The following CSMD1 variants were observed in gnomAD, a reference collection of about 807,000 sequenced individuals.
CSMD1 encodes CUB and sushi domain-containing protein 1.
CSMD1 carries 213 observed loss-of-function variants against 417.5 expected under a neutral mutation model. That is an observed-to-expected ratio of 0.51 (90% confidence interval 0.46 to 0.57). The LOEUF (loss-of-function observed/expected upper bound fraction) is 0.57. Ranked by LOEUF, CSMD1 falls within the 20% of genes least tolerant of loss-of-function variation. The probability of loss-of-function intolerance (pLI) is 0.00; values close to 1 mark genes in which losing one functional copy is unlikely to be tolerated. For synonymous variants in CSMD1, 2,862 were observed against 1,736.8 expected (o/e 1.65, Z -16.11); for missense variants, 6,923 against 4,529.7 (o/e 1.53, Z -15.17).
chr8:4,299,158 T>A (rs1440098232), intron 3 of CSMD1, among the ~76,000 whole-genome samples: 1 of 152,098 alleles, frequency 6.6e-6, no homozygotes, highest in Non-Finnish European at 1.5e-5. Flanking sequence ...GTGCTTTTCT[T>A]CAAAAAAGAA....
intron 3 of CSMD1, among the ~76,000 whole-genome samples, chr8:4,126,433 C>A (rs1185795597): frequency 6.6e-6 from 1 of 152,152 alleles, no homozygotes; most frequent in East Asian, 1.9e-4. Context: ...CTAGCGAAGA[C>A]ACAAACCAAC....
chr8:4,080,764 A>C (rs1303306110), intron 3 of CSMD1, among the ~76,000 whole-genome samples: 1 of 152,206 alleles, frequency 6.6e-6, no homozygotes, highest in Non-Finnish European at 1.5e-5. Flanking sequence ...AAGGTGAATA[A>C]GACTGGGCTA....
intron 3 of CSMD1, among the ~76,000 whole-genome samples, chr8:4,372,717 C>G (rs7010710): frequency 0.25 from 37,304 of 149,612 alleles, 5,053 homozygotes; most frequent in African/African-American, 0.34. Context: ...AGAGTTCTCA[C>G]TGTCCAAACC....
chr8:4,027,093 A>G (rs1038259559), intron 4 of CSMD1, among the ~76,000 whole-genome samples: 5 of 152,192 alleles, frequency 3.3e-5, no homozygotes, highest in African/African-American at 9.7e-5. Flanking sequence ...TCGGCCACAG[A>G]AAAACACAGC....
At chr8:4,220,510 C>A (rs1015558481) in intron 3 of CSMD1, among the ~76,000 whole-genome samples, 1 of 152,128 alleles carries the variant, frequency 6.6e-6, no homozygotes, top group African/African-American at 2.4e-5. Flanking sequence ...AATATCTAAT[C>A]CTAGTGCAAG....
intron 1 of CSMD1, among the ~76,000 whole-genome samples, chr8:4,960,879 G>T (rs1164288087): frequency 6.6e-6 from 1 of 152,038 alleles, no homozygotes; most frequent in African/African-American, 2.4e-5. Flanking sequence ...ATTTTTAAAA[G>T]ATTCCTCAAC....
chr8:4,375,300 T>C (rs1354398757), intron 3 of CSMD1, among the ~76,000 whole-genome samples: 2 of 152,102 alleles, frequency 1.3e-5, no homozygotes, highest in Non-Finnish European at 2.9e-5. Context: ...AAGTGTCATA[T>C]CTCCAAAAGC....
chr8:4,437,738 A>G (rs549594481), intron 2 of CSMD1, among the ~76,000 whole-genome samples: 96 of 152,274 alleles, frequency 6.3e-4, no homozygotes, highest in Middle Eastern at 3.4e-3. Flanking sequence ...TAGGCTGCCA[A>G]TGAGTTCCAT....
intron 12 of CSMD1, among the ~76,000 whole-genome samples, chr8:3,444,804 T>C (rs919261892): frequency 1.3e-5 from 2 of 152,164 alleles, no homozygotes; most frequent in African/African-American, 2.4e-5. Flanking sequence ...AACCAAATAA[T>C]ATGCTTCTTT....
chr8:4,760,479 G>C (rs987649214), intron 1 of CSMD1, among the ~76,000 whole-genome samples: 1 of 152,004 alleles, frequency 6.6e-6, no homozygotes, highest in Non-Finnish European at 1.5e-5. Context: ...CTAATCCTGT[G>C]AGAATTAAAA....
At chr8:4,347,781 G>GATTT (rs1800857597) in intron 3 of CSMD1, among the ~76,000 whole-genome samples, 2 of 151,978 alleles carry the variant, frequency 1.3e-5, no homozygotes, top group African/African-American at 4.8e-5. Context: ...TAAAGTTTTA[G>GATTT]TAACTCTAAA....
chr8:2,977,689 G>T (rs1048809488), intron 55 of CSMD1, among the ~76,000 whole-genome samples: 1 of 152,002 alleles, frequency 6.6e-6, no homozygotes, highest in Non-Finnish European at 1.5e-5. Context: ...ATCTGACAAA[G>T]GTCTAATATC....
chr8:3,454,598 C>A (rs1815981194), intron 12 of CSMD1, among the ~76,000 whole-genome samples: 1 of 152,178 alleles, frequency 6.6e-6, no homozygotes, highest in Non-Finnish European at 1.5e-5. Context: ...ATATGAAATT[C>A]TGGACTGAAA....
intron 5 of CSMD1, among the ~76,000 whole-genome samples, chr8:3,973,368 TA>T (rs1813211955): frequency 2.0e-5 from 3 of 152,202 alleles, no homozygotes; most frequent in Non-Finnish European, 4.4e-5. Context: ...AAAGAATATT[TA>T]ACTTTCATGT....
chr8:3,002,223 G>A (rs1200879719), intron 52 of CSMD1, among the ~76,000 whole-genome samples: 1 of 152,232 alleles, frequency 6.6e-6, no homozygotes, highest in African/African-American at 2.4e-5. Context: ...ATATTGTGAA[G>A]AGAGACCCCC....
chr8:3,055,329 T>C (rs906273902), intron 49 of CSMD1, among the ~76,000 whole-genome samples: 1 of 152,188 alleles, frequency 6.6e-6, no homozygotes, highest in Non-Finnish European at 1.5e-5. Flanking sequence ...ACCGGGAATC[T>C]TTTTATGGTT....
intron 2 of CSMD1, among the ~76,000 whole-genome samples, chr8:4,568,977 A>C (rs1798751980): frequency 6.6e-6 from 1 of 151,874 alleles, no homozygotes; most frequent in Non-Finnish European, 1.5e-5. Flanking sequence ...TTTTCTTGTA[A>C]ATTTGTTTAA....
At chr8:3,535,989 T>C (rs1798180728) in intron 10 of CSMD1, among the ~76,000 whole-genome samples, 1 of 152,062 alleles carries the variant, frequency 6.6e-6, no homozygotes, top group Non-Finnish European at 1.5e-5. Flanking sequence ...AGGGAGGGAC[T>C]CTCCCAGCAA....
chr8:4,119,997 C>T (rs563279234), intron 3 of CSMD1, among the ~76,000 whole-genome samples: 175 of 152,144 alleles, frequency 1.2e-3, no homozygotes, highest in African/African-American at 4.1e-3. Flanking sequence ...TATTTGATAG[C>T]ACAATAGGGT....
Sources: allele counts gnomAD v4.1 joint callset (sites outside exome capture counted in the v4.1 genomes callset), GRCh38; gene constraint gnomAD v4.1.1; transcripts MANE v1.5; gene names NCBI Gene and HGNC (gene_info 2026-07-23, HGNC 2026-07-21).